SYT1: variants seen among roughly 807,000 people sequenced by gnomAD.
The protein encoded by SYT1 is synaptotagmin-1.
SYT1 carries 8 observed loss-of-function variants against 44.8 expected under a neutral mutation model. The ratio of observed to expected loss-of-function variants is 0.18; its 90% CI spans 0.10 to 0.32. The LOEUF (loss-of-function observed/expected upper bound fraction) is 0.32. SYT1 is among the 10% of genes least tolerant of loss of function. SYT1 has a pLI of 1.00. For synonymous variants in SYT1, 154 were observed against 188.8 expected (o/e 0.82, Z 1.51); for missense variants, 286 against 509.3 (o/e 0.56, Z 4.22).
Position 79,166,546 on chromosome 12 carries a change from A to G in SYT1, c.-17-50957A>G, listed in dbSNP as rs77418272. 3.5e-3 allele frequency among the ~76,000 whole-genome samples: 537 copies of G among 152,118 alleles called. 2 individuals are homozygous for G. The highest frequency in any genetic ancestry group is 3.8e-3 in the Non-Finnish European group (256 of 67,922). On this transcript the variant is annotated intron_variant, in intron 3 of 10. Coordinates refer to ENST00000261205, the MANE Select transcript of SYT1 (RefSeq NM_005639.3). ...ATGAATAGCCATCTAGGTCATTTTT[A>G]GACCAAAATTTTATTTAATTTTATT... is the stretch of plus-strand genomic sequence containing the variant.
chr12:79,292,716 A>G (rs1043431482), intron 6 of SYT1, among the ~76,000 whole-genome samples: 1 of 152,176 alleles, frequency 6.6e-6, no homozygotes, highest in African/African-American at 2.4e-5. Flanking sequence ...GTGCCTAGGA[A>G]TATTGCCCAA....
intron 3 of SYT1, among the ~76,000 whole-genome samples, chr12:79,085,153 A>T (rs978879194): frequency 2.0e-5 from 3 of 152,180 alleles, no homozygotes; most frequent in African/African-American, 7.2e-5. Flanking sequence ...GTTTGGCATC[A>T]CCATCATTCC....
intron 1 of SYT1, among the ~76,000 whole-genome samples, chr12:78,886,801 AG>A (rs1249584734): frequency 6.6e-6 from 1 of 152,028 alleles, no homozygotes; most frequent in African/African-American, 2.4e-5. Flanking sequence ...GCTCAAATAA[AG>A]ACAATGGATA....
intron 3 of SYT1, among the ~76,000 whole-genome samples, chr12:79,181,897 C>G (rs1282143393): frequency 6.6e-6 from 1 of 151,936 alleles, no homozygotes; most frequent in Non-Finnish European, 1.5e-5. Context: ...TTCTCTTTCT[C>G]CTAGACAACC....
intron 3 of SYT1, among the ~76,000 whole-genome samples, chr12:79,157,987 C>A (rs1870704935): frequency 6.6e-6 from 1 of 152,060 alleles, no homozygotes; most frequent in African/African-American, 2.4e-5. Flanking sequence ...AAGGAGCAGT[C>A]CCCAATTTTG....
At chr12:79,431,507 T>A (rs1869773781) in intron 9 of SYT1, among the ~76,000 whole-genome samples, 2 of 108,334 alleles carry the variant, frequency 1.8e-5, no homozygotes, top group Non-Finnish European at 4.2e-5. Flanking sequence ...TATTTTATTT[T>A]ATTTTATTAT....
intron 3 of SYT1, among the ~76,000 whole-genome samples, chr12:79,123,195 C>G (rs773316375): frequency 2.0e-5 from 3 of 151,936 alleles, no homozygotes; most frequent in Non-Finnish European, 4.4e-5. Flanking sequence ...CAGAACCTAC[C>G]TAAGTGCCCA....
chr12:78,975,261 G>C (rs1868739635), intron 1 of SYT1, among the ~76,000 whole-genome samples: 1 of 152,028 alleles, frequency 6.6e-6, no homozygotes, highest in Admixed American at 6.6e-5. Context: ...TTTAAATTAT[G>C]TAAACACTTA....
At chr12:79,199,394 C>G (rs1459477392) in intron 3 of SYT1, among the ~76,000 whole-genome samples, 1 of 152,068 alleles carries the variant, frequency 6.6e-6, no homozygotes, top group Non-Finnish European at 1.5e-5. Flanking sequence ...CCGTTTTTCC[C>G]TACCAGCTGC....
At chr12:79,299,853 A>C (rs369690390) in intron 8 of SYT1, among the ~76,000 whole-genome samples, 1 of 152,182 alleles carries the variant, frequency 6.6e-6, no homozygotes, top group Non-Finnish European at 1.5e-5. Flanking sequence ...ACACACACTC[A>C]TAAACTACTG....
At chr12:79,189,164 C>A (rs544648764) in intron 3 of SYT1, among the ~76,000 whole-genome samples, 1 of 152,164 alleles carries the variant, frequency 6.6e-6, no homozygotes, top group Non-Finnish European at 1.5e-5. Context: ...TTATTTGCCT[C>A]CTCTAAAATT....
intron 1 of SYT1, among the ~76,000 whole-genome samples, chr12:78,880,889 C>A (rs1446434741): frequency 6.6e-6 from 1 of 151,478 alleles, no homozygotes; most frequent in Non-Finnish European, 1.5e-5. Flanking sequence ...TGTCATCATC[C>A]AATCACCTTC....
intron 4 of SYT1, among the ~76,000 whole-genome samples, chr12:79,260,826 G>C (rs1877792291): frequency 6.7e-6 from 1 of 150,088 alleles, no homozygotes; most frequent in African/African-American, 2.4e-5. Flanking sequence ...TAGTAGACTT[G>C]GGTCTCAAGC....
Position 79,260,721 on chromosome 12 carries a change from A to G in SYT1, c.167-25066A>G, listed in dbSNP as rs144631837. ...AATAAAAATCTATTCAAAAGTTGAA[A>G]TTAGGAATTCTTCCATTTACATCTA... On this transcript the variant is annotated intron_variant, in intron 4 of 10. Transcript: ENST00000261205. 4.4e-3 allele frequency among the ~76,000 whole-genome samples: 672 copies of G among 152,298 alleles called. 1 individual carries two copies. The highest frequency in any genetic ancestry group is 0.015 in the African/African-American group (639 of 41,570).
intron 3 of SYT1, among the ~76,000 whole-genome samples, chr12:79,062,826 C>T (rs950361478): frequency 6.6e-6 from 1 of 152,092 alleles, no homozygotes; most frequent in Non-Finnish European, 1.5e-5. Context: ...TACCATTTAT[C>T]GAATGCCTAC....
chr12:78,958,203 G>T (rs112413920), intron 1 of SYT1, among the ~76,000 whole-genome samples: 2,468 of 152,178 alleles, frequency 0.016, 69 homozygotes, highest in African/African-American at 0.056. Context: ...CACAAACACT[G>T]CACACAAGAG....
At chr12:79,410,379 C>T (rs1244490464) in intron 9 of SYT1, among the ~76,000 whole-genome samples, 10 of 151,820 alleles carry the variant, frequency 6.6e-5, no homozygotes, top group South Asian at 4.1e-4. Flanking sequence ...TGTTCAAGGG[C>T]GAGAATTCAG....
intron 9 of SYT1, among the ~76,000 whole-genome samples, chr12:79,407,602 G>C (rs1047808279): frequency 2.6e-5 from 4 of 152,116 alleles, no homozygotes; most frequent in Non-Finnish European, 4.4e-5. Flanking sequence ...AGAAGATACA[G>C]TCTTCTTTGT....
chr12:79,058,836 T>C (rs568252170), intron 3 of SYT1, among the ~76,000 whole-genome samples: 1 of 152,044 alleles, frequency 6.6e-6, no homozygotes, highest in Non-Finnish European at 1.5e-5. Context: ...CTTGAAGTGA[T>C]ACATTTTCTT....
Sources: gnomAD v4.1 joint callset for allele counts (sites outside exome capture counted in the v4.1 genomes callset) on GRCh38, gnomAD v4.1.1 for gene constraint, MANE v1.5 for transcripts, NCBI Gene and HGNC (gene_info 2026-07-23, HGNC 2026-07-21) for gene names.